Variants in UEVLD observed in about 807,000 individuals in gnomAD.
UEVLD encodes the protein ubiquitin-conjugating enzyme E2 variant 3.
A neutral mutation model predicts 58.6 loss-of-function variants in UEVLD; 47 were observed. That is an observed-to-expected ratio of 0.80 (90% CI 0.63 to 1.02). UEVLD has a LOEUF of 1.02. Among genes scored for constraint, UEVLD ranks in the 50% least tolerant of loss-of-function variants. The pLI is 0.00. For synonymous variants in UEVLD, 197 were observed against 195.3 expected (o/e 1.01, Z -0.07); for missense variants, 510 against 550.6 (o/e 0.93, Z 0.74).
At chr11:18,566,595 T>A (rs1229797773) in intron 4 of UEVLD, 113 bp from the exon 5 acceptor site, 1 of 1,094,216 alleles carries the variant, frequency 9.1e-7, no homozygotes. Context: ...CAGTGAGTTA[T>A]GGTTGCACCA....
At chr11:18,551,403 AC>A (rs199756670) in intron 7 of UEVLD, among the ~76,000 whole-genome samples, 15,819 of 148,524 alleles carry the variant, frequency 0.11, 1,135 homozygotes, top group South Asian at 0.23. Flanking sequence ...AACCTGGGCA[AC>A]CGAGTAAGAC....
At chr11:18,546,574 C>T (rs1420303377) in intron 8 of UEVLD, among the ~76,000 whole-genome samples, 1 of 151,534 alleles carries the variant, frequency 6.6e-6, no homozygotes, top group African/African-American at 2.4e-5. Context: ...CTTGGCCTCA[C>T]TGCAACCACC....
intron 5 of UEVLD, among the ~76,000 whole-genome samples, chr11:18,565,357 T>C (rs1325111254): frequency 6.6e-6 from 1 of 152,186 alleles, no homozygotes; most frequent in Non-Finnish European, 1.5e-5. Flanking sequence ...TACCAAATGT[T>C]TCAAACATAG....
At chr11:18,558,974 A>G (rs1372386846) in intron 6 of UEVLD, among the ~76,000 whole-genome samples, 1 of 151,066 alleles carries the variant, frequency 6.6e-6, no homozygotes, top group Non-Finnish European at 1.5e-5. Flanking sequence ...TCCTGGGTTC[A>G]AGTGATTTTC....
intron 1 of UEVLD, chr11:18,579,600 T>C: frequency 1.7e-6 from 1 of 585,914 alleles, no homozygotes. Flanking sequence ...GCAAGTTTTG[T>C]AGTCAGGTGT....
intron 1 of UEVLD, chr11:18,587,704 A>C (rs559643022): frequency 9.8e-5 from 15 of 152,286 alleles, no homozygotes; most frequent in African/African-American, 3.6e-4. Flanking sequence ...TGGGAGGCTG[A>C]GGCACGAGAA....
At chr11:18,534,745 A>G (rs1850715557) in intron 10 of UEVLD, among the ~76,000 whole-genome samples, 1 of 152,232 alleles carries the variant, frequency 6.6e-6, no homozygotes, top group South Asian at 2.1e-4. Flanking sequence ...CCTATCGATA[A>G]TTGGCAAAAA....
At chr11:18,544,578 T>C in intron 9 of UEVLD, 45 bp downstream of exon 9, 2 of 1,564,830 alleles carry the variant, frequency 1.3e-6, no homozygotes, top group Non-Finnish European at 1.7e-6. Context: ...GTGTTGGAAT[T>C]ACAGGCATGA....
chr11:18,584,091 C>G (rs16935575), intron 1 of UEVLD, among the ~76,000 whole-genome samples: 17,077 of 152,098 alleles, frequency 0.11, 1,216 homozygotes, highest in South Asian at 0.23. Flanking sequence ...AAGGAATATA[C>G]TTATTGGCTG....
intron 1 of UEVLD, among the ~76,000 whole-genome samples, chr11:18,586,969 T>C (rs1237740753): frequency 6.6e-6 from 1 of 152,132 alleles, no homozygotes; most frequent in African/African-American, 2.4e-5. Context: ...GAGGCGGAGA[T>C]GGCAGTGAGC....
chr11:18,533,243 C>A (rs1850649523), intron 11 of UEVLD, among the ~76,000 whole-genome samples: 1 of 151,760 alleles, frequency 6.6e-6, no homozygotes. Context: ...TCACACTCAC[C>A]CTACTGTGCT....
intron 9 of UEVLD, among the ~76,000 whole-genome samples, chr11:18,542,875 ATTTTC>A (rs1215001322): frequency 2.7e-5 from 3 of 110,104 alleles, no homozygotes; most frequent in Middle Eastern, 4.9e-3. Context: ...CAGAGGAGTT[ATTTTC>A]TTTTCTTTTC....
At chr11:18,588,581 G>A in intron 1 of UEVLD, 32 bp downstream of exon 1, 2 of 1,607,546 alleles carry the variant, frequency 1.2e-6, no homozygotes, top group Non-Finnish European at 1.7e-6. Context: ...AAGACCCTGA[G>A]GACCCAAACT....
At chr11:18,564,178 A>C (rs996232805) in intron 6 of UEVLD, among the ~76,000 whole-genome samples, 1 of 152,178 alleles carries the variant, frequency 6.6e-6, no homozygotes, top group Non-Finnish European at 1.5e-5. Context: ...CCTCCAAGAC[A>C]TATGTGAGTC....
At chr11:18,553,651 T>C (rs770438577) in intron 7 of UEVLD, among the ~76,000 whole-genome samples, 2 of 152,212 alleles carry the variant, frequency 1.3e-5, no homozygotes, top group Non-Finnish European at 2.9e-5. Context: ...AAATGTGCTA[T>C]ATCCATACCA....
At chr11:18,533,932 G>A (rs1055765677) in intron 11 of UEVLD, among the ~76,000 whole-genome samples, 24 of 152,292 alleles carry the variant, frequency 1.6e-4, no homozygotes, top group African/African-American at 5.5e-4. Flanking sequence ...GATTACAGGC[G>A]TGAGCCACTG....
chr11:18,586,334 C>T (rs1565148767), intron 1 of UEVLD, among the ~76,000 whole-genome samples: 2 of 152,140 alleles, frequency 1.3e-5, no homozygotes, highest in Non-Finnish European at 2.9e-5. Context: ...CCTGCTTCAG[C>T]CTCCCGAGTA....
chr11:18,579,541 C>T (rs1167152439), intron 1 of UEVLD: 4 of 977,254 alleles, frequency 4.1e-6, no homozygotes, highest in Non-Finnish European at 4.9e-6. Flanking sequence ...CTTTCCCCTC[C>T]CACCTTCCTG....
At chr11:18,583,657 C>CT (rs35384688) in intron 1 of UEVLD, among the ~76,000 whole-genome samples, 9,089 of 117,126 alleles carry the variant, frequency 0.078, 1,090 homozygotes, top group African/African-American at 0.24. Flanking sequence ...TCCAGTATTA[C>CT]TTTTTTTTTT....
Sources: allele counts gnomAD v4.1 joint callset (sites outside exome capture counted in the v4.1 genomes callset), GRCh38; gene constraint gnomAD v4.1.1; transcripts MANE v1.5; gene names NCBI Gene and HGNC (gene_info 2026-07-23, HGNC 2026-07-21).